SLC5A3: variants seen among roughly 807,000 people sequenced by gnomAD.
The protein encoded by SLC5A3 is solute carrier family 5 member 3, also known as sodium/myo-inositol cotransporter.
A neutral mutation model predicts 43.2 loss-of-function variants in SLC5A3; 10 were observed. The observed-to-expected ratio is 0.23, with a 90% CI of 0.14 to 0.39. SLC5A3 has a LOEUF of 0.39. Ranked by LOEUF, SLC5A3 falls within the 10% of genes least tolerant of loss-of-function variation. The probability of loss-of-function intolerance (pLI) is 1.00; values close to 1 mark genes in which losing one functional copy is unlikely to be tolerated. For missense variants in SLC5A3, 608 were observed against 893.4 expected (o/e 0.68, Z 4.07); for synonymous variants, 349 against 322.0 (o/e 1.08, Z -0.90).
chr21:34,078,277 C>T (rs974467192), intron 1 of SLC5A3, among the ~76,000 whole-genome samples: 1 of 152,028 alleles, frequency 6.6e-6, no homozygotes, highest in African/African-American at 2.4e-5. Context: ...ACCCTGTGAA[C>T]AATGTTATAC....
chr21:34,098,179 C>G lies in SLC5A3; in HGVS notation c.*824C>G. Reference sequence around the variant, plus strand: ...GGTTGTTTATATAGTTTGGAAATGACCAGCCCCCTAAGCAGTGTTTGATTA... The same window carrying G: ...GGTTGTTTATATAGTTTGGAAATGAGCAGCCCCCTAAGCAGTGTTTGATTA... On this transcript the variant is annotated 3_prime_UTR_variant, in exon 2 of 2. Coordinates refer to ENST00000381151, the MANE Select transcript of SLC5A3 (RefSeq NM_006933.7). 3 of 999,666 alleles carry G rather than the reference C, an allele frequency of 3.0e-6. No homozygotes were observed. The highest frequency in any genetic ancestry group is 3.6e-6 in the Non-Finnish European group (3 of 829,606). The allele number at this position is 999,666 out of a possible 1,614,324, so 61.9% of individuals were successfully genotyped here.
Position 34,104,577 on chromosome 21 carries a change from A to G in SLC5A3, c.*7222A>G. The G allele has an allele frequency of 2.0e-6, 2 of 999,588 alleles. No individual in the cohort carries two copies. The highest frequency in any genetic ancestry group is 2.4e-6 in the Non-Finnish European group (2 of 829,388). The allele number at this position is 999,588 out of a possible 1,614,324, so 61.9% of individuals were successfully genotyped here. A position where few individuals can be genotyped will look rare whatever the true frequency, so the allele number is the denominator to read the frequency against. ...AAGACTATATCTGGTGTAGACTAAT[A>G]TGAGATGTTTTAGAAGAGTTAACCT... On this transcript the variant is annotated 3_prime_UTR_variant, in exon 2 of 2. Coordinates refer to ENST00000381151, the MANE Select transcript of SLC5A3 (RefSeq NM_006933.7).
chr21:34,093,089 T>C (rs1199044564), intron 1 of SLC5A3, among the ~76,000 whole-genome samples: 1 of 152,238 alleles, frequency 6.6e-6, no homozygotes, highest in Non-Finnish European at 1.5e-5. Context: ...GATTAGATTT[T>C]ATTAAAAATT....
In SLC5A3 at chr21:34,104,432, G is replaced by A. The variant is rs1002194438; in HGVS notation, c.*7077G>A. On this transcript the variant is annotated 3_prime_UTR_variant, in exon 2 of 2. Coordinates refer to ENST00000381151, the MANE Select transcript of SLC5A3 (RefSeq NM_006933.7). ...AATGAATGTCTTTGTCTTAAATTTT[G>A]CCCATGTGTTAAAAGATGTAATTCT... The A allele has an allele frequency of 1.0e-6, 1 of 999,858 alleles. No individual in the cohort carries two copies. 61.9% of individuals were successfully genotyped at this position (999,858 alleles called of 1,614,324 possible).
chr21:34,101,965 G>GT lies in SLC5A3; in HGVS notation c.*4617dup, dbSNP rs1569418714. On this transcript the variant is annotated 3_prime_UTR_variant, in exon 2 of 2. Coordinates refer to ENST00000381151, the MANE Select transcript of SLC5A3 (RefSeq NM_006933.7). ...ACAATGGAGTTTTGATGCCAAAAAG[G>GT]TTTTTTTGCAGTAAAAGTAAAAATT... The GT allele has an allele frequency of 1.0e-6, 1 of 999,902 alleles. No homozygotes were observed. The highest frequency in any genetic ancestry group is 1.2e-6 in the Non-Finnish European group (1 of 829,740). The allele number at this position is 999,902 out of a possible 1,614,324, so 61.9% of individuals were successfully genotyped here.
rs191795537 is a variant in SLC5A3 at position 34,077,896 on chromosome 21, A to G, written c.-337+4151A>G. On this transcript the variant is annotated intron_variant, in intron 1 of 1. Transcript: ENST00000381151. The stretch of plus-strand genomic sequence containing the variant: ...CCTTTTTTGATTAGAACACCTGGCA[A>G]AAGTTTTGTATTTGTTCTAGAGTTC... 3.9e-5 allele frequency among the ~76,000 whole-genome samples: 6 copies of G among 152,290 alleles called. No individual in the cohort carries two copies. The East Asian group carries it at 7.7e-4, about 20-fold the overall frequency.
chr21:34,105,969 G>T lies in SLC5A3; in HGVS notation c.*8614G>T, dbSNP rs993521003. On this transcript the variant is annotated 3_prime_UTR_variant, in exon 2 of 2. Coordinates refer to ENST00000381151, the MANE Select transcript of SLC5A3 (RefSeq NM_006933.7). ...AAAATTGTAAACATGTATGATCTTG[G>T]TTTCATGTGTTTTTGAAAGTGTTAT... 85 of 994,056 alleles carry T rather than the reference G, an allele frequency of 8.6e-5. No individual in the cohort carries two copies. The highest frequency in any genetic ancestry group is 1.0e-4 in the Non-Finnish European group (84 of 824,562). The allele number at this position is 994,056 out of a possible 1,614,324, so 61.6% of individuals were successfully genotyped here.
chr21:34,099,001 A>T lies in SLC5A3; in HGVS notation c.*1646A>T. The T allele has an allele frequency of 2.0e-6, 2 of 990,560 alleles. No individual in the cohort carries two copies. The highest frequency in any genetic ancestry group is 2.4e-6 in the Non-Finnish European group (2 of 821,238). 61.4% of individuals were successfully genotyped at this position (990,560 alleles called of 1,614,324 possible). A position where few individuals can be genotyped will look rare whatever the true frequency, so the allele number is the denominator to read the frequency against. On this transcript the variant is annotated 3_prime_UTR_variant, in exon 2 of 2. Transcript: ENST00000381151. ...TTTGAATCAAAACTCAGTCTTTTTAATTTTTTTGTAGTCTATAAACTAGTT... is the reference window on the plus strand; with the variant it reads ...TTTGAATCAAAACTCAGTCTTTTTATTTTTTTTGTAGTCTATAAACTAGTT...
rs1979106298 is a variant in SLC5A3, at chr21:34,099,019, A to G, written c.*1664A>G. On this transcript the variant is annotated 3_prime_UTR_variant, in exon 2 of 2. Coordinates refer to ENST00000381151, the MANE Select transcript of SLC5A3 (RefSeq NM_006933.7). Reference sequence around the variant, plus strand: ...CTTTTTAATTTTTTTGTAGTCTATAAACTAGTTTCATTATGATGGACTTGA... The same window carrying G: ...CTTTTTAATTTTTTTGTAGTCTATAGACTAGTTTCATTATGATGGACTTGA... 2 of 991,466 alleles carry G rather than the reference A, an allele frequency of 2.0e-6. No individual in the cohort carries two copies. The highest frequency in any genetic ancestry group is 2.4e-6 in the Non-Finnish European group (2 of 822,018). 61.4% of individuals were successfully genotyped at this position (991,466 alleles called of 1,614,324 possible).
rs1979237771 is a variant in SLC5A3, at chr21:34,101,541, A to G, written c.*4186A>G. ...CTATATGTGTATATGCCCACTTACCATTCAGAGAGACTGGTCTTTCTCTTT... is the reference window on the plus strand; with the variant it reads ...CTATATGTGTATATGCCCACTTACCGTTCAGAGAGACTGGTCTTTCTCTTT... On this transcript the variant is annotated 3_prime_UTR_variant, in exon 2 of 2. Coordinates refer to ENST00000381151, the MANE Select transcript of SLC5A3 (RefSeq NM_006933.7). The G allele has an allele frequency of 1.2e-5, 12 of 1,000,208 alleles. No homozygotes were observed. Among genetic ancestry groups the G allele is most frequent in the Non-Finnish European group, 1.4e-5 (12 of 829,948 alleles). 62.0% of individuals were successfully genotyped at this position (1,000,208 alleles called of 1,614,324 possible). A position where few individuals can be genotyped will look rare whatever the true frequency, so the allele number is the denominator to read the frequency against.
rs553690660 is a variant in SLC5A3, at chr21:34,099,511, C to T, written c.*2156C>T. The T allele has an allele frequency of 3.0e-6, 3 of 998,888 alleles. No individual in the cohort carries two copies. The highest frequency in any genetic ancestry group is 3.5e-5 in the African/African-American group (2 of 57,316). 61.9% of individuals were successfully genotyped at this position (998,888 alleles called of 1,614,324 possible). On this transcript the variant is annotated 3_prime_UTR_variant, in exon 2 of 2. Coordinates refer to ENST00000381151, the MANE Select transcript of SLC5A3 (RefSeq NM_006933.7). ...TGTAAGAACTAAAATTTTCTTTGAA[C>T]CACATTACTGTGTAATTCACTGATA... is the stretch of plus-strand genomic sequence containing the variant.
At chr21:34,078,336 A>G (rs898299916) in intron 1 of SLC5A3, among the ~76,000 whole-genome samples, 1 of 152,186 alleles carries the variant, frequency 6.6e-6, no homozygotes, top group African/African-American at 2.4e-5. Flanking sequence ...TGCCGCAGCA[A>G]GCTATTGAAG....
At position 34,097,451 on chromosome 21, in the gene SLC5A3, G is replaced by A. The variant is rs76633925; in HGVS notation, c.*96G>A. ...TGTGCATCTCTCAGGCATTGTTTAC[G>A]CTGTAGGTTTTAGCCAAATTTTACT... On this transcript the variant is annotated 3_prime_UTR_variant, in exon 2 of 2. Transcript: ENST00000381151. 462 of 1,475,076 alleles carry A rather than the reference G, an allele frequency of 3.1e-4. 1 individual carries two copies. The African/African-American group carries it at 4.5e-3, about 14-fold the overall frequency. 91.4% of individuals were successfully genotyped at this position (1,475,076 alleles called of 1,614,324 possible).
At position 34,104,723 on chromosome 21, in the gene SLC5A3, AGT is replaced by A; in HGVS notation, c.*7370_*7371del. 1.0e-6 allele frequency: 1 copy of A among 999,540 alleles called. No individual in the cohort carries two copies. The highest frequency in any genetic ancestry group is 1.2e-6 in the Non-Finnish European group (1 of 829,322). The allele number at this position is 999,540 out of a possible 1,614,324, so 61.9% of individuals were successfully genotyped here. ...GGATGAGGGGAAGAAGATTACCAGA[AGT>A]GCAGGAAAGAGAAGTTTGAGGAACA... is the stretch of plus-strand genomic sequence containing the variant. On this transcript the variant is annotated 3_prime_UTR_variant, in exon 2 of 2. Transcript: ENST00000381151.
chr21:34,082,425 A>G (rs960277005), intron 1 of SLC5A3, among the ~76,000 whole-genome samples: 1 of 152,176 alleles, frequency 6.6e-6, no homozygotes, highest in African/African-American at 2.4e-5. Context: ...TCTGAGTGAT[A>G]TCTTGTTTTA....
intron 1 of SLC5A3, among the ~76,000 whole-genome samples, chr21:34,091,772 T>TGAAC (rs1196429329): frequency 6.6e-6 from 1 of 152,202 alleles, no homozygotes; most frequent in Non-Finnish European, 1.5e-5. Flanking sequence ...AGCACCTTTG[T>TGAAC]GTTCAAGGTT....
At chr21:34,089,497 A>G (rs1257332999) in intron 1 of SLC5A3, among the ~76,000 whole-genome samples, 7 of 152,158 alleles carry the variant, frequency 4.6e-5, no homozygotes, top group Admixed American at 4.6e-4. Flanking sequence ...AAAAAAATTC[A>G]TGATGAGCCA....
Position 34,102,612 on chromosome 21 carries a change from C to CT in SLC5A3, c.*5260dup. ...CTATTGACTTAAACCAATAACTGTA[C>CT]TTTATGTAATGACTCTTAAATTTGG... On this transcript the variant is annotated 3_prime_UTR_variant, in exon 2 of 2. Transcript: ENST00000381151. The CT allele has an allele frequency of 1.0e-6, 1 of 1,000,038 alleles. No homozygotes were observed. The highest frequency in any genetic ancestry group is 1.1e-4 in the East Asian group (1 of 8,830). 61.9% of individuals were successfully genotyped at this position (1,000,038 alleles called of 1,614,324 possible).
At chr21:34,090,713 T>C (rs900526426) in intron 1 of SLC5A3, among the ~76,000 whole-genome samples, 1 of 152,234 alleles carries the variant, frequency 6.6e-6, no homozygotes, top group Non-Finnish European at 1.5e-5. Flanking sequence ...TCTCTGTTAC[T>C]TATTCCTTAT....
Sources: gnomAD v4.1 joint callset for allele counts (sites outside exome capture counted in the v4.1 genomes callset) on GRCh38, gnomAD v4.1.1 for gene constraint, MANE v1.5 for transcripts, NCBI Gene and HGNC (gene_info 2026-07-23, HGNC 2026-07-21) for gene names.